Variants in CPM observed in about 807,000 individuals in gnomAD.
The protein encoded by CPM is carboxypeptidase M, also known as renal carboxypeptidase.
CPM carries 35 observed loss-of-function variants against 46.4 expected under a neutral mutation model. That is an observed-to-expected ratio of 0.75 (90% CI 0.58 to 1.00). CPM has a LOEUF of 1.00. CPM is among the 50% of genes least tolerant of loss of function. CPM has a pLI of 0.00. For missense variants in CPM, 422 were observed against 530.4 expected (o/e 0.80, Z 2.01); for synonymous variants, 195 against 195.3 (o/e 1.00, Z 0.01).
At chr12:68,860,820 G>C (rs527757228) in intron 7 of CPM, among the ~76,000 whole-genome samples, 1 of 152,114 alleles carries the variant, frequency 6.6e-6, no homozygotes, top group African/African-American at 2.4e-5. Flanking sequence ...TGGTTGTGAA[G>C]ATTAAATGTA....
At chr12:68,874,100 C>G (rs537827620) in intron 3 of CPM, among the ~76,000 whole-genome samples, 1 of 152,090 alleles carries the variant, frequency 6.6e-6, no homozygotes, top group African/African-American at 2.4e-5. Context: ...CCACCGCGCC[C>G]GGCCAGATTT....
chr12:68,908,960 G>A (rs781507230), intron 2 of CPM, among the ~76,000 whole-genome samples: 3 of 152,164 alleles, frequency 2.0e-5, no homozygotes, highest in Non-Finnish European at 4.4e-5. Flanking sequence ...GTTCCACAGG[G>A]GCAGGGGTTT....
In CPM at chr12:68,870,156, G is replaced by C; in HGVS notation, c.616+59C>G. The C allele has an allele frequency of 3.3e-6, 5 of 1,527,538 alleles. No homozygotes were observed. The Admixed American group carries it at 7.9e-5, about 24-fold the overall frequency. 94.6% of individuals were successfully genotyped at this position (1,527,538 alleles called of 1,614,324 possible). On this transcript the variant is annotated intron_variant, in intron 5 of 8. Coordinates refer to ENST00000551568, the MANE Select transcript of CPM (RefSeq NM_198320.5). ...GAGAGCTGATCCCCATCCAGAGGCA[G>C]AGAGTTTTCAGCCCCACTCTGGACT...
chr12:68,873,991 A>G (rs1173337019), intron 3 of CPM, among the ~76,000 whole-genome samples: 1 of 152,004 alleles, frequency 6.6e-6, no homozygotes, highest in East Asian at 1.9e-4. Flanking sequence ...TTTTTAGTAG[A>G]GACAGGGTTT....
chr12:68,869,543 G>A (rs1166204466), intron 5 of CPM, 48 bp from the exon 6 acceptor site: 4 of 1,529,064 alleles, frequency 2.6e-6, no homozygotes, highest in Non-Finnish European at 3.5e-6. Context: ...TTGAGAGTAA[G>A]AGGAAACACA....
chr12:68,865,610 ACACACACC>A (rs1885404689), intron 7 of CPM, among the ~76,000 whole-genome samples: 1 of 151,848 alleles, frequency 6.6e-6, no homozygotes, highest in Non-Finnish European at 1.5e-5. Context: ...TTCAACACCC[ACACACACC>A]CACACACACA....
intron 1 of CPM, among the ~76,000 whole-genome samples, chr12:68,945,246 TATC>T (rs1350044425): frequency 6.6e-6 from 1 of 152,206 alleles, no homozygotes; most frequent in Admixed American, 6.5e-5. Context: ...GAGGGACTGT[TATC>T]ATCCTTGCTT....
chr12:68,957,086 T>A (rs1174660397), intron 1 of CPM, among the ~76,000 whole-genome samples: 1 of 152,172 alleles, frequency 6.6e-6, no homozygotes, highest in East Asian at 1.9e-4. Flanking sequence ...AGGGTAGACA[T>A]CATCTTATCT....
At chr12:68,856,859 C>T (rs1455355897) in intron 8 of CPM, among the ~76,000 whole-genome samples, 180 bp from the exon 9 acceptor site, 1 of 152,200 alleles carries the variant, frequency 6.6e-6, no homozygotes, top group Non-Finnish European at 1.5e-5. Context: ...TGCCTGTTGA[C>T]AGAGACCAGC....
chr12:68,870,232 A>G lies in CPM; in HGVS notation c.599T>C (p.Phe200Ser), dbSNP rs1309486604. ...HGGALVASYPFDNGVQATGAL... is the reference protein window; with the variant it reads ...HGGALVASYPSDNGVQATGAL... ...CTGCTTACCTTGAACACCATTATCA[A>G]ATGGGTAACTGGCCACGAGGGCACC... Residue 200 changes from phenylalanine (F) to serine (S), a missense_variant, in exon 5 of 9, where the codon TTT (phenylalanine) becomes TCT (serine). Coordinates refer to ENST00000551568, the MANE Select transcript of CPM (RefSeq NM_198320.5). 2 of 1,613,708 alleles carry G rather than the reference A, an allele frequency of 1.2e-6. No homozygotes were observed. The highest frequency in any genetic ancestry group is 2.7e-5 in the African/African-American group (2 of 74,902).
rs1159294014 is a variant in CPM, at chr12:68,854,517, G to A, written c.*1920C>T. ...CAGACTGCCTGCGAAGAGGTGAAAT[G>A]GAATTGAATGGGATTATGGTCAGCC... is the stretch of plus-strand genomic sequence containing the variant. On this transcript the variant is annotated 3_prime_UTR_variant, in exon 9 of 9. Transcript: ENST00000551568. 2.0e-5 allele frequency: 3 copies of A among 152,218 alleles called. No individual in the cohort carries two copies. Among genetic ancestry groups the A allele is most frequent in the African/African-American group, 4.8e-5 (2 of 41,448 alleles). 9.4% of individuals were successfully genotyped at this position (152,218 alleles called of 1,614,324 possible). A position where few individuals can be genotyped will look rare whatever the true frequency, so the allele number is the denominator to read the frequency against.
At chr12:68,887,007 G>T (rs1886465310) in intron 2 of CPM, among the ~76,000 whole-genome samples, 1 of 151,978 alleles carries the variant, frequency 6.6e-6, no homozygotes, top group Admixed American at 6.6e-5. Flanking sequence ...TTAAGTAAAG[G>T]GCTTATGATC....
At chr12:68,896,535 G>A (rs1436719109) in intron 2 of CPM, among the ~76,000 whole-genome samples, 1 of 152,124 alleles carries the variant, frequency 6.6e-6, no homozygotes, top group Non-Finnish European at 1.5e-5. Context: ...GTCACCTTTG[G>A]TCCGGGGATT....
intron 5 of CPM, 67 bp downstream of exon 5, chr12:68,870,148 C>G: frequency 6.7e-7 from 1 of 1,492,292 alleles, no homozygotes; most frequent in Non-Finnish European, 9.1e-7. Context: ...GATCCCCATC[C>G]AGAGGCAGAG....
intron 3 of CPM, among the ~76,000 whole-genome samples, chr12:68,873,864 G>C (rs2136235612): frequency 6.6e-6 from 1 of 151,634 alleles, no homozygotes; most frequent in South Asian, 2.1e-4. Context: ...AGAGTGCAGT[G>C]GCACCATGTT....
At chr12:68,928,786 CTGG>C (rs1888377642) in intron 2 of CPM, among the ~76,000 whole-genome samples, 1 of 151,118 alleles carries the variant, frequency 6.6e-6, no homozygotes, top group African/African-American at 2.4e-5. Context: ...GTAGGCCAGG[CTGG>C]AGTACGGTGG....
intron 1 of CPM, among the ~76,000 whole-genome samples, chr12:68,961,922 C>G (rs768039890): frequency 1.3e-5 from 2 of 151,996 alleles, no homozygotes; most frequent in Non-Finnish European, 2.9e-5. Flanking sequence ...TAATAATGGC[C>G]GGGCGTGGTG....
At chr12:68,859,436 C>T (rs1184014170) in intron 7 of CPM, among the ~76,000 whole-genome samples, 2 of 152,126 alleles carry the variant, frequency 1.3e-5, no homozygotes, top group African/African-American at 4.8e-5. Flanking sequence ...TAAATAAAAA[C>T]GGTGTCAATG....
At chr12:68,880,051 T>C (rs1200191578) in intron 3 of CPM, among the ~76,000 whole-genome samples, 1 of 151,788 alleles carries the variant, frequency 6.6e-6, no homozygotes, top group Admixed American at 6.6e-5. Context: ...ATCTGTAGCA[T>C]ACAGGAATGG....
Sources: allele counts gnomAD v4.1 joint callset (sites outside exome capture counted in the v4.1 genomes callset), GRCh38; gene constraint gnomAD v4.1.1; transcripts MANE v1.5; gene names NCBI Gene and HGNC (gene_info 2026-07-23, HGNC 2026-07-21).